The following CCDC43 variants were observed in gnomAD, a reference collection of about 807,000 sequenced individuals.
CCDC43 encodes coiled-coil domain containing 43, also known as coiled-coil domain-containing protein 43.
A neutral mutation model predicts 33.3 loss-of-function variants in CCDC43; 20 were observed. The observed-to-expected ratio is 0.60, with a 90% CI of 0.42 to 0.87. The LOEUF is 0.87. CCDC43 is among the 40% of genes least tolerant of loss of function. CCDC43 has a pLI of 0.00. For missense variants in CCDC43, 248 were observed against 269.9 expected (o/e 0.92, Z 0.57); for synonymous variants, 104 against 106.5 (o/e 0.98, Z 0.14).
At chr17:44,682,244 G>A (rs1424577327) in intron 2 of CCDC43, 106 bp from the exon 3 acceptor site, 2 of 1,367,770 alleles carry the variant, frequency 1.5e-6, no homozygotes, top group Non-Finnish European at 2.0e-6. Flanking sequence ...GGCATCTGCT[G>A]CCTCCTTAGA....
chr17:44,685,976 C>T (rs1006360078), intron 1 of CCDC43, among the ~76,000 whole-genome samples: 5 of 152,054 alleles, frequency 3.3e-5, no homozygotes, highest in South Asian at 2.1e-4. Flanking sequence ...TGCAGTGGCG[C>T]GATCTCGGCT....
At chr17:44,680,297 T>G (rs1457910205) in intron 4 of CCDC43, among the ~76,000 whole-genome samples, 1 of 152,158 alleles carries the variant, frequency 6.6e-6, no homozygotes, top group Non-Finnish European at 1.5e-5. Context: ...CTCAATATTA[T>G]TTTAATTTTC....
Position 44,678,239 on chromosome 17 carries a change from A to G in CCDC43, c.*617T>C, listed in dbSNP as rs1972104438. The G allele has an allele frequency of 6.6e-6, 1 of 152,104 alleles. No homozygotes were observed. The allele number at this position is 152,104 out of a possible 1,614,324, so 9.4% of individuals were successfully genotyped here. A position where few individuals can be genotyped will look rare whatever the true frequency, so the allele number is the denominator to read the frequency against. On this transcript the variant is annotated 3_prime_UTR_variant, in exon 5 of 5. Coordinates refer to ENST00000315286, the MANE Select transcript of CCDC43 (RefSeq NM_144609.3). ...ACAGCCTAGATGAGGAAAATATGTAACTATCTCTATTTTAAAAGATACCTC... is the reference window on the plus strand; with the variant it reads ...ACAGCCTAGATGAGGAAAATATGTAGCTATCTCTATTTTAAAAGATACCTC...
At chr17:44,682,819 T>G (rs1044659474) in intron 2 of CCDC43, among the ~76,000 whole-genome samples, 1 of 151,940 alleles carries the variant, frequency 6.6e-6, no homozygotes, top group African/African-American at 2.4e-5. Context: ...ATCACGCCAC[T>G]GCACTCCAGC....
intron 2 of CCDC43, among the ~76,000 whole-genome samples, chr17:44,683,480 G>A (rs1361686850): frequency 6.6e-6 from 1 of 151,920 alleles, no homozygotes; most frequent in Admixed American, 6.6e-5. Context: ...AGTGAGCTGA[G>A]ATTACGCCAC....
intron 1 of CCDC43, chr17:44,688,984 T>C (rs1972282259): frequency 6.5e-6 from 1 of 154,438 alleles, no homozygotes; most frequent in East Asian, 1.9e-4. Context: ...CAATGATTAC[T>C]GTAAATACTG....
chr17:44,682,037 G>C lies in CCDC43; in HGVS notation c.394C>G (p.Leu132Val), dbSNP rs772328513. The C allele has an allele frequency of 6.2e-7, 1 of 1,614,038 alleles. No homozygotes were observed. Among genetic ancestry groups the C allele is most frequent in the Non-Finnish European group, 8.5e-7 (1 of 1,179,888 alleles). ...EEEKQRKAALLAQYADVTDEE... is the reference protein window; with the variant it reads ...EEEKQRKAALVAQYADVTDEE... ...TCTGTCACATCAGCATACTGGGCCA[G>C]GAGGGCAGCTTTTCTCTGCTTCTCC... The change falls in exon 3 of 5, where the codon CTG becomes GTG. Residue 132 changes from leucine (L) to valine (V), a missense_variant. Physicochemically the swap from Leu to Val is conservative, Grantham distance 32. Transcript: ENST00000315286.
chr17:44,680,192 T>G (rs1243531346), intron 4 of CCDC43, among the ~76,000 whole-genome samples: 1 of 152,076 alleles, frequency 6.6e-6, no homozygotes, highest in African/African-American at 2.4e-5. Context: ...TTTGCCATGT[T>G]GCCCAGGCTG....
intron 2 of CCDC43, 59 bp downstream of exon 2, chr17:44,683,813 A>G: frequency 8.5e-7 from 1 of 1,171,930 alleles, no homozygotes; most frequent in Non-Finnish European, 1.3e-6. Context: ...CCTAACAGCT[A>G]TACAGTCAAG....
intron 1 of CCDC43, chr17:44,688,891 T>C (rs1293516852): frequency 6.6e-6 from 1 of 152,332 alleles, no homozygotes; most frequent in East Asian, 1.9e-4. Context: ...CATTTCTGAA[T>C]ACCTTGCTTC....
chr17:44,682,283 G>A (rs1972174730), intron 2 of CCDC43, 145 bp from the exon 3 acceptor site: 1 of 917,422 alleles, frequency 1.1e-6, no homozygotes, highest in Admixed American at 2.6e-5. Flanking sequence ...CATGGCTCGG[G>A]GGCCATTGAG....
chr17:44,681,827 T>C, intron 3 of CCDC43, 176 bp downstream of exon 3: 2 of 688,152 alleles, frequency 2.9e-6, no homozygotes, highest in South Asian at 3.8e-5. Flanking sequence ...ATAAGTCCAG[T>C]ATCAACTAAT....
chr17:44,684,549 T>G (rs978967713), intron 1 of CCDC43, among the ~76,000 whole-genome samples: 4 of 151,770 alleles, frequency 2.6e-5, no homozygotes, highest in Non-Finnish European at 4.4e-5. Flanking sequence ...AATACAAAAA[T>G]TAGCCGGGTG....
intron 4 of CCDC43, 121 bp downstream of exon 4, chr17:44,680,464 A>C: frequency 1.4e-6 from 1 of 705,484 alleles, no homozygotes. Flanking sequence ...TAGGGCTCCC[A>C]ATGTTAGCAT....
intron 1 of CCDC43, among the ~76,000 whole-genome samples, chr17:44,688,639 A>G (rs1255775564): frequency 6.6e-6 from 1 of 152,160 alleles, no homozygotes; most frequent in African/African-American, 2.4e-5. Context: ...TGCAGAGACA[A>G]CTCTAGCTTC....
At chr17:44,688,039 C>T (rs1190410590) in intron 1 of CCDC43, 1 of 152,230 alleles carries the variant, frequency 6.6e-6, no homozygotes, top group Non-Finnish European at 1.5e-5. Context: ...TGATTTTTTC[C>T]TAGCACTTGT....
At chr17:44,679,818 C>T (rs1972129392) in intron 4 of CCDC43, among the ~76,000 whole-genome samples, 1 of 151,732 alleles carries the variant, frequency 6.6e-6, no homozygotes, top group Non-Finnish European at 1.5e-5. Context: ...CACTTTAACC[C>T]AGGAGGCGGA....
chr17:44,687,395 T>C (rs1972254072), intron 1 of CCDC43, among the ~76,000 whole-genome samples: 1 of 151,928 alleles, frequency 6.6e-6, no homozygotes, highest in Non-Finnish European at 1.5e-5. Context: ...GAGATTTTGC[T>C]ACTGCACTCC....
intron 3 of CCDC43, 86 bp downstream of exon 3, chr17:44,681,917 T>G: frequency 6.5e-7 from 1 of 1,541,854 alleles, no homozygotes; most frequent in Admixed American, 1.8e-5. Context: ...AGAGGGGGAT[T>G]AGCAACTTGC....
Sources: allele counts gnomAD v4.1 joint callset (sites outside exome capture counted in the v4.1 genomes callset), GRCh38; gene constraint gnomAD v4.1.1; transcripts MANE v1.5; gene names NCBI Gene and HGNC (gene_info 2026-07-23, HGNC 2026-07-21).